Variants in PPP2R5A observed in about 807,000 individuals in gnomAD.
The protein encoded by PPP2R5A is serine/threonine-protein phosphatase 2A 56 kDa regulatory subunit alpha isoform.
In PPP2R5A, 25 loss-of-function variants were observed where a neutral mutation model predicts 64.2. That is an observed-to-expected ratio of 0.39 (90% CI 0.28 to 0.54). PPP2R5A has a LOEUF of 0.54. PPP2R5A is among the 20% of genes least tolerant of loss of function. The pLI, the probability that PPP2R5A is intolerant of heterozygous loss-of-function variation, is 0.67. For synonymous variants in PPP2R5A, 198 were observed against 201.2 expected, an observed-to-expected ratio of 0.98 and a Z score of 0.13; for missense variants, 425 against 576.3, an observed-to-expected ratio of 0.74 and a Z score of 2.69.
chr1:212,330,839 G>A (rs555389836), intron 2 of PPP2R5A, among the ~76,000 whole-genome samples: 13 of 151,660 alleles, frequency 8.6e-5, no homozygotes, highest in Non-Finnish European at 1.6e-4. Flanking sequence ...TCCTTAGAGA[G>A]AATAAAAGCC....
At chr1:212,345,969 C>T (rs779045503) in intron 5 of PPP2R5A, 36 bp downstream of exon 5, 1 of 1,527,658 alleles carries the variant, frequency 6.5e-7, no homozygotes, top group Non-Finnish European at 8.9e-7. Context: ...GCACCTTTTC[C>T]TCCTACATAT....
chr1:212,342,848 CT>C (rs34379519), intron 4 of PPP2R5A, among the ~76,000 whole-genome samples: 15 of 149,320 alleles, frequency 1.0e-4, no homozygotes, highest in African/African-American at 2.2e-4. Flanking sequence ...GTGATGCCTT[CT>C]TTTTTTTTTA....
chr1:212,323,179 A>G (rs1366893037), intron 1 of PPP2R5A, among the ~76,000 whole-genome samples: 5 of 152,312 alleles, frequency 3.3e-5, no homozygotes, highest in African/African-American at 1.2e-4. Flanking sequence ...TAGTCAGTAT[A>G]TATGTGGTAA....
At chr1:212,321,215 G>C (rs1201076736) in intron 1 of PPP2R5A, among the ~76,000 whole-genome samples, 1 of 146,096 alleles carries the variant, frequency 6.8e-6, no homozygotes, top group African/African-American at 2.6e-5. Flanking sequence ...ATCCTTCCCA[G>C]ACGGGGCGGC....
chr1:212,349,267 T>A lies in PPP2R5A; in HGVS notation c.927+25T>A, dbSNP rs1014014813. On this transcript the variant is annotated intron_variant, in intron 8 of 12. Coordinates refer to ENST00000261461, the MANE Select transcript of PPP2R5A (RefSeq NM_006243.4). ...AGTAAGTGTTCTATTTATTTTCATG[T>A]TTTTGGTCTGCATTAATAGCATTTC... The A allele has an allele frequency of 5.2e-6, 8 of 1,523,930 alleles. No homozygotes were observed. In the African/African-American group the frequency reaches 8.3e-5, roughly 16 times the overall value. The allele number at this position is 1,523,930 out of a possible 1,614,324, so 94.4% of individuals were successfully genotyped here. A position where few individuals can be genotyped will look rare whatever the true frequency, so the allele number is the denominator to read the frequency against.
chr1:212,317,287 CAA>C (rs963456560), intron 1 of PPP2R5A, among the ~76,000 whole-genome samples: 4 of 139,602 alleles, frequency 2.9e-5, no homozygotes, highest in East Asian at 2.1e-4. Flanking sequence ...GGGAGAAAAA[CAA>C]AATTGCCATT....
chr1:212,331,159 C>A (rs1483539315), intron 2 of PPP2R5A, among the ~76,000 whole-genome samples: 3 of 103,446 alleles, frequency 2.9e-5, no homozygotes, highest in Admixed American at 1.1e-4. Context: ...CAGAATGAGA[C>A]CTTGTCTCAA....
At chr1:212,305,628 T>G (rs4951444) in intron 1 of PPP2R5A, among the ~76,000 whole-genome samples, 1 of 151,798 alleles carries the variant, frequency 6.6e-6, no homozygotes, top group African/African-American at 2.4e-5. Flanking sequence ...CTATCCATTA[T>G]TGAAAGTGGG....
chr1:212,320,299 A>G (rs1659246262), intron 1 of PPP2R5A, among the ~76,000 whole-genome samples: 1 of 152,184 alleles, frequency 6.6e-6, no homozygotes, highest in Admixed American at 6.5e-5. Context: ...AGGCAGAAGA[A>G]TGTTTCTTAG....
chr1:212,349,419 C>T (rs889702597), intron 8 of PPP2R5A, among the ~76,000 whole-genome samples, 177 bp downstream of exon 8: 1 of 152,022 alleles, frequency 6.6e-6, no homozygotes, highest in African/African-American at 2.4e-5. Flanking sequence ...GGGGAGAGTT[C>T]TCGTGAGTTA....
chr1:212,308,751 T>TC (rs1462979474), intron 1 of PPP2R5A, among the ~76,000 whole-genome samples: 3 of 152,144 alleles, frequency 2.0e-5, no homozygotes, highest in Admixed American at 2.0e-4. Flanking sequence ...TCTCTGAAGT[T>TC]CTGTTTATTT....
At chr1:212,286,894 A>G (rs1049136128) in intron 1 of PPP2R5A, among the ~76,000 whole-genome samples, 4 of 152,232 alleles carry the variant, frequency 2.6e-5, no homozygotes, top group African/African-American at 9.7e-5. Context: ...CCAGTGTAGT[A>G]TCTTATTCAC....
rs1334313429 is a variant in PPP2R5A, at chr1:212,285,890, C to G, written c.-221C>G. ...CCCTCCGTCAGCCCCGGGAGCTCGCCGCGCGCCGGGGACCAGGAACCTCCA... is the reference window on the plus strand; with the variant it reads ...CCCTCCGTCAGCCCCGGGAGCTCGCGGCGCGCCGGGGACCAGGAACCTCCA... On this transcript the variant is annotated 5_prime_UTR_variant, in exon 1 of 13. Transcript: ENST00000261461. 9.6e-6 allele frequency: 4 copies of G among 414,760 alleles called. No homozygotes were observed. Among genetic ancestry groups the G allele is most frequent in the East Asian group, 3.9e-5 (1 of 25,674 alleles). The allele number at this position is 414,760 out of a possible 1,614,324, so 25.7% of individuals were successfully genotyped here.
At position 212,324,327 on chromosome 1, in the gene PPP2R5A, A is replaced by G. The variant is rs149081634; in HGVS notation, c.182-4808A>G. 3.7e-4 allele frequency among the ~76,000 whole-genome samples: 56 copies of G among 152,338 alleles called. No homozygotes were observed. In the East Asian group the frequency reaches 0.011, roughly 29 times the overall value. ...TGTGTGTCTAAACAAGAAAAGGTACAGTAAAAATAGGTTTATATGGGACCA... is the reference window on the plus strand; with the variant it reads ...TGTGTGTCTAAACAAGAAAAGGTACGGTAAAAATAGGTTTATATGGGACCA... On this transcript the variant is annotated intron_variant, in intron 1 of 12. Coordinates refer to ENST00000261461, the MANE Select transcript of PPP2R5A (RefSeq NM_006243.4).
At chr1:212,323,066 G>A (rs553255230) in intron 1 of PPP2R5A, among the ~76,000 whole-genome samples, 5 of 152,312 alleles carry the variant, frequency 3.3e-5, no homozygotes, top group South Asian at 2.1e-4. Context: ...GATTACAGGC[G>A]TGAGCCACTG....
At chr1:212,296,459 C>A (rs1373295428) in intron 1 of PPP2R5A, among the ~76,000 whole-genome samples, 1 of 152,182 alleles carries the variant, frequency 6.6e-6, no homozygotes, top group Non-Finnish European at 1.5e-5. Flanking sequence ...TTCAGATTTG[C>A]TTATAAGAAG....
At chr1:212,306,609 A>G (rs1485303527) in intron 1 of PPP2R5A, among the ~76,000 whole-genome samples, 3 of 151,672 alleles carry the variant, frequency 2.0e-5, no homozygotes, top group Non-Finnish European at 4.4e-5. Context: ...ATGATATATT[A>G]TTTTTCATCT....
chr1:212,347,545 T>A, intron 6 of PPP2R5A, 139 bp downstream of exon 6: 40 of 548,688 alleles, frequency 7.3e-5, no homozygotes, highest in Non-Finnish European at 1.0e-4. Flanking sequence ...CTGAAGTCTT[T>A]TTTTTTTTTT....
chr1:212,317,837 T>G (rs1340625577), intron 1 of PPP2R5A, among the ~76,000 whole-genome samples: 1 of 151,886 alleles, frequency 6.6e-6, no homozygotes, highest in African/African-American at 2.4e-5. Flanking sequence ...AATACAAAAA[T>G]TAGCTGAGTG....
Sources: gnomAD v4.1 joint callset for allele counts (sites outside exome capture counted in the v4.1 genomes callset) on GRCh38, gnomAD v4.1.1 for gene constraint, MANE v1.5 for transcripts, NCBI Gene and HGNC (gene_info 2026-07-23, HGNC 2026-07-21) for gene names.